THSD4: variants seen among roughly 807,000 people sequenced by gnomAD.
THSD4 encodes the protein thrombospondin type 1 domain containing 4.
In THSD4, 69 loss-of-function variants were observed where a neutral mutation model predicts 119.0. The ratio of observed to expected loss-of-function variants is 0.58; its 90% confidence interval spans 0.48 to 0.71. THSD4 has a LOEUF of 0.71. Among genes scored for constraint, THSD4 ranks in the 30% least tolerant of loss-of-function variants. The pLI, the probability that THSD4 is intolerant of heterozygous loss-of-function variation, is 0.00. For missense variants in THSD4, 1,393 were observed against 1,391.1 expected, an observed-to-expected ratio of 1.00 and a Z score of -0.02; for synonymous variants, 524 against 540.4, an observed-to-expected ratio of 0.97 and a Z score of 0.42.
At chr15:71,700,145 A>G (rs537279060) in intron 8 of THSD4, among the ~76,000 whole-genome samples, 30 of 152,290 alleles carry the variant, frequency 2.0e-4, no homozygotes, top group African/African-American at 6.7e-4. Context: ...GAAAAAGGAT[A>G]AAACCCACCT....
At chr15:71,674,133 T>A (rs971355575) in intron 8 of THSD4, among the ~76,000 whole-genome samples, 1 of 152,212 alleles carries the variant, frequency 6.6e-6, no homozygotes, top group Non-Finnish European at 1.5e-5. Flanking sequence ...TATAAATGTG[T>A]GATGATGTGT....
intron 7 of THSD4, among the ~76,000 whole-genome samples, chr15:71,557,341 A>G (rs1045978592): frequency 2.6e-5 from 4 of 152,142 alleles, no homozygotes; most frequent in African/African-American, 9.7e-5. Flanking sequence ...CTTGGTTATG[A>G]TATATTTCTA....
In THSD4 at chr15:71,777,378, T is replaced by C; in HGVS notation, c.*4T>C. On this transcript the variant is annotated 3_prime_UTR_variant, in exon 18 of 18. Coordinates refer to ENST00000261862, the MANE Select transcript of THSD4 (RefSeq NM_024817.3). ...GGGCTTCCTGGGGAGCAGATAACAC[T>C]CCTGCACCCCCATCAGTAGGGCAGC... The C allele has an allele frequency of 6.2e-7, 1 of 1,612,722 alleles. No homozygotes were observed.
intron 7 of THSD4, among the ~76,000 whole-genome samples, chr15:71,534,992 T>C (rs1428656160): frequency 6.6e-6 from 1 of 152,204 alleles, no homozygotes; most frequent in African/African-American, 2.4e-5. Context: ...AGGTATAATT[T>C]ATACATCATC....
rs897772096 is a variant in THSD4, at chr15:71,630,190, A to T, written c.1153-30340A>T. ...AAAACAGAAAATTCTCCTTTAATCA[A>T]TGCTTGCTGTCTTAACTGGTGCTTC... On this transcript the variant is annotated intron_variant, in intron 7 of 17. Transcript: ENST00000261862. Among the ~76,000 whole-genome samples the T allele has an allele frequency of 1.3e-5, 2 of 152,166 alleles. 1 individual carries two copies. The highest frequency in any genetic ancestry group is 4.1e-4 in the South Asian group (2 of 4,826).
In THSD4 at chr15:71,341,162, T is replaced by C. The variant is rs778104376; in HGVS notation, c.1016-70525T>C. The C allele has an allele frequency of 2.4e-5, 33 of 1,395,318 alleles. 1 individual carries two copies. Among genetic ancestry groups the C allele is most frequent in the Non-Finnish European group, 2.0e-6 (2 of 1,000,040 alleles). 86.4% of individuals were successfully genotyped at this position (1,395,318 alleles called of 1,614,324 possible). A position where few individuals can be genotyped will look rare whatever the true frequency, so the allele number is the denominator to read the frequency against. ...ACATTTATTTTAATGCTGAATTTAC[T>C]CCCGTGCCATAAGTTTTTGTTTCTT... On this transcript the variant is annotated intron_variant, in intron 6 of 17. Transcript: ENST00000261862.
chr15:71,429,481 G>A (rs561935839), intron 7 of THSD4, among the ~76,000 whole-genome samples: 47 of 152,316 alleles, frequency 3.1e-4, no homozygotes, highest in Admixed American at 1.5e-3. Flanking sequence ...TCCTCAATAT[G>A]AGTTAAGTTA....
At chr15:71,246,045 G>T (rs756209021) in intron 5 of THSD4, among the ~76,000 whole-genome samples, 5 of 152,162 alleles carry the variant, frequency 3.3e-5, no homozygotes, top group African/African-American at 9.7e-5. Flanking sequence ...ACCCAATTAT[G>T]TAAGTATTCC....
chr15:71,744,962 G>C (rs1258034358), intron 11 of THSD4, 144 bp from the exon 12 acceptor site: 7 of 1,016,698 alleles, frequency 6.9e-6, no homozygotes, highest in African/African-American at 4.8e-5. Flanking sequence ...TGAAGGGGGA[G>C]CGTAAGTGTG....
chr15:71,606,512 T>TAA (rs1555431398), intron 7 of THSD4, among the ~76,000 whole-genome samples: 3 of 150,270 alleles, frequency 2.0e-5, no homozygotes, highest in African/African-American at 7.3e-5. Flanking sequence ...AGAAATAACA[T>TAA]TTCAAATGGC....
At chr15:71,740,104 G>A (rs1295960639) in intron 11 of THSD4, among the ~76,000 whole-genome samples, 5 of 152,166 alleles carry the variant, frequency 3.3e-5, no homozygotes, top group Admixed American at 2.0e-4. Flanking sequence ...GTTTTATTGT[G>A]CAAATTTTAT....
At chr15:71,141,764 C>T (rs545648327) in intron 2 of THSD4, among the ~76,000 whole-genome samples, 54 of 152,204 alleles carry the variant, frequency 3.5e-4, no homozygotes, top group African/African-American at 1.3e-3. Context: ...GGCTTGGGGT[C>T]GAAGTCAATC....
chr15:71,762,296 C>T (rs182101226), intron 15 of THSD4, among the ~76,000 whole-genome samples: 2 of 152,318 alleles, frequency 1.3e-5, no homozygotes, highest in Admixed American at 6.5e-5. Context: ...CCCTGAAGTA[C>T]ACAATCTCTT....
At chr15:71,679,201 G>C (rs1033003003) in intron 8 of THSD4, among the ~76,000 whole-genome samples, 3 of 152,214 alleles carry the variant, frequency 2.0e-5, no homozygotes, top group African/African-American at 2.4e-5. Flanking sequence ...AAGAGACCCA[G>C]TGCTATGGGA....
At chr15:71,535,910 A>G (rs889462694) in intron 7 of THSD4, among the ~76,000 whole-genome samples, 2 of 152,158 alleles carry the variant, frequency 1.3e-5, no homozygotes, top group African/African-American at 2.4e-5. Flanking sequence ...TATCATTAGC[A>G]GCACCAGGGT....
chr15:71,437,534 T>C (rs1268361687), intron 7 of THSD4, among the ~76,000 whole-genome samples: 1 of 152,134 alleles, frequency 6.6e-6, no homozygotes, highest in Non-Finnish European at 1.5e-5. Context: ...AGAACAGCTT[T>C]GGGAGAGACA....
At chr15:71,457,652 C>G (rs1413330795) in intron 7 of THSD4, among the ~76,000 whole-genome samples, 1 of 152,172 alleles carries the variant, frequency 6.6e-6, no homozygotes, top group Non-Finnish European at 1.5e-5. Context: ...ACACTTGACC[C>G]TGGGGCCTTT....
rs2044045969 is a variant in THSD4, at chr15:71,229,763, A to G, written c.465-12886A>G. ...AATTAACTGAAGGTGACAGACCTGCATCTAAATAACTTCCTCTAATGCAAG... is the reference window on the plus strand; with the variant it reads ...AATTAACTGAAGGTGACAGACCTGCGTCTAAATAACTTCCTCTAATGCAAG... On this transcript the variant is annotated intron_variant, in intron 4 of 17. Transcript: ENST00000261862. Among the ~76,000 whole-genome samples the G allele has an allele frequency of 2.0e-5, 3 of 152,224 alleles. No individual in the cohort carries two copies. In the South Asian group the frequency reaches 6.2e-4, roughly 32 times the overall value.
At chr15:71,582,374 G>T (rs2049575592) in intron 7 of THSD4, among the ~76,000 whole-genome samples, 2 of 152,028 alleles carry the variant, frequency 1.3e-5, no homozygotes, top group South Asian at 4.1e-4. Flanking sequence ...GTTTTAACAG[G>T]TTTTTTTGTT....
Sources: gnomAD v4.1 joint callset for allele counts (sites outside exome capture counted in the v4.1 genomes callset) on GRCh38, gnomAD v4.1.1 for gene constraint, MANE v1.5 for transcripts, NCBI Gene and HGNC (gene_info 2026-07-23, HGNC 2026-07-21) for gene names.